Variants in NFATC1 observed in about 807,000 individuals in gnomAD.
The protein encoded by NFATC1 is nuclear factor of activated T cells 1, also known as nuclear factor of activated T-cells, cytoplasmic 1.
In NFATC1, 22 loss-of-function variants were observed where a neutral mutation model predicts 76.0. The ratio of observed to expected loss-of-function variants is 0.29; its 90% CI spans 0.21 to 0.41. The LOEUF (loss-of-function observed/expected upper bound fraction) is 0.41, where lower values mean the gene tolerates loss of function less well. Among genes scored for constraint, NFATC1 ranks in the 10% least tolerant of loss-of-function variants. The pLI is 1.00. For missense variants in NFATC1, 1,357 were observed against 1,337.7 expected (o/e 1.01, Z -0.23); for synonymous variants, 704 against 613.1 (o/e 1.15, Z -2.19).
At chr18:79,497,862 C>T (rs2089928930) in intron 9 of NFATC1, 1 of 152,036 alleles carries the variant, frequency 6.6e-6, no homozygotes, top group South Asian at 2.1e-4. Context: ...GACCATTAAA[C>T]TCTGCTAACC....
chr18:79,451,198 C>A, intron 5 of NFATC1, 72 bp downstream of exon 5: 2 of 1,511,026 alleles, frequency 1.3e-6, no homozygotes, highest in Non-Finnish European at 1.8e-6. Context: ...CTCACCCGCT[C>A]TCAGCTTTTC....
chr18:79,475,047 T>C (rs1351414940), intron 8 of NFATC1, among the ~76,000 whole-genome samples: 1 of 126,802 alleles, frequency 7.9e-6, no homozygotes. Flanking sequence ...ACGCTCACTG[T>C]CGACGTTGTA....
chr18:79,452,455 C>T (rs1024079636), intron 6 of NFATC1, among the ~76,000 whole-genome samples: 29 of 152,290 alleles, frequency 1.9e-4, no homozygotes, highest in African/African-American at 6.5e-4. Flanking sequence ...GGGGCCGTCA[C>T]GCCTGTGGTT....
At chr18:79,487,107 G>A (rs544821793) in intron 9 of NFATC1, among the ~76,000 whole-genome samples, 170 bp downstream of exon 9, 17 of 152,286 alleles carry the variant, frequency 1.1e-4, no homozygotes, top group Middle Eastern at 3.4e-3. Flanking sequence ...GTGCCACGGC[G>A]TCAGCGCCAC....
chr18:79,519,951 G>C (rs1216025543), intron 9 of NFATC1, among the ~76,000 whole-genome samples: 1 of 152,194 alleles, frequency 6.6e-6, no homozygotes, highest in East Asian at 1.9e-4. Context: ...TAAAGTCCTG[G>C]ACGGGCGAGA....
At chr18:79,436,235 C>T (rs894278232) in intron 3 of NFATC1, among the ~76,000 whole-genome samples, 1 of 152,246 alleles carries the variant, frequency 6.6e-6, no homozygotes, top group Non-Finnish European at 1.5e-5. Context: ...TCGCACTGGC[C>T]TGGGGGCGCG....
At chr18:79,495,069 G>A (rs1008774476) in intron 9 of NFATC1, among the ~76,000 whole-genome samples, 10 of 152,278 alleles carry the variant, frequency 6.6e-5, no homozygotes, top group Non-Finnish European at 1.3e-4. Flanking sequence ...GCCCCTTGAG[G>A]AAATGGGGGC....
chr18:79,485,429 C>T (rs375941683), intron 8 of NFATC1, among the ~76,000 whole-genome samples: 15 of 152,384 alleles, frequency 9.8e-5, no homozygotes, highest in African/African-American at 3.4e-4. Flanking sequence ...GGATCCGCCT[C>T]GCCGCTCCTG....
chr18:79,396,687 C>T (rs2085016371), intron 1 of NFATC1, among the ~76,000 whole-genome samples: 1 of 152,206 alleles, frequency 6.6e-6, no homozygotes. Context: ...CCACAGAGGG[C>T]ACGTGGGAGG....
In NFATC1 at chr18:79,428,373, T is replaced by C. The variant is rs576569331; in HGVS notation, c.1227-5206T>C. On this transcript the variant is annotated intron_variant, in intron 2 of 9. Transcript: ENST00000427363. ...AGCAGGCCAGAAAACTGCCTTGATA[T>C]ATCACATTGGCAAAGACCAAGCGCA... 3.3e-4 allele frequency among the ~76,000 whole-genome samples: 51 copies of C among 152,336 alleles called. No individual in the cohort carries two copies. In the Middle Eastern group the frequency reaches 0.014, roughly 41 times the overall value.
At chr18:79,494,874 C>T (rs1480792312) in intron 9 of NFATC1, among the ~76,000 whole-genome samples, 6 of 137,622 alleles carry the variant, frequency 4.4e-5, no homozygotes, top group South Asian at 2.5e-4. Context: ...AAGGCGAGAG[C>T]GGGCACACGC....
intron 3 of NFATC1, among the ~76,000 whole-genome samples, chr18:79,444,305 C>T (rs1044225152): frequency 2.6e-5 from 4 of 152,092 alleles, no homozygotes; most frequent in East Asian, 3.9e-4. Flanking sequence ...GGCTTTGCCC[C>T]GACTCCTGGC....
At chr18:79,418,282 G>A (rs896855717) in intron 2 of NFATC1, among the ~76,000 whole-genome samples, 1 of 152,164 alleles carries the variant, frequency 6.6e-6, no homozygotes, top group African/African-American at 2.4e-5. Flanking sequence ...GGCGCTTAAC[G>A]GCCACCCGAC....
intron 9 of NFATC1, among the ~76,000 whole-genome samples, chr18:79,504,242 C>G (rs918408404): frequency 4.0e-5 from 6 of 150,612 alleles, no homozygotes; most frequent in Non-Finnish European, 7.5e-5. Context: ...GACGGGTGTT[C>G]CTCACCAAAT....
At chr18:79,424,381 G>A (rs1568942649) in intron 2 of NFATC1, among the ~76,000 whole-genome samples, 1 of 152,238 alleles carries the variant, frequency 6.6e-6, no homozygotes, top group Non-Finnish European at 1.5e-5. Context: ...CTGACCGCTG[G>A]CCACTGTGTG....
intron 9 of NFATC1, among the ~76,000 whole-genome samples, chr18:79,488,300 G>GTA (rs1460395789): frequency 1.9e-4 from 2 of 10,348 alleles, no homozygotes; most frequent in Non-Finnish European, 5.8e-4. Flanking sequence ...AGCCCTGGTT[G>GTA]TGTGTGTGTG....
intron 3 of NFATC1, among the ~76,000 whole-genome samples, chr18:79,447,270 G>A (rs183104955): frequency 1.9e-4 from 29 of 152,322 alleles, no homozygotes; most frequent in Admixed American, 4.6e-4. Context: ...AGAATCCGCC[G>A]TCCCCTGGCC....
At chr18:79,491,304 C>G (rs1232776715) in intron 9 of NFATC1, among the ~76,000 whole-genome samples, 2 of 152,134 alleles carry the variant, frequency 1.3e-5, no homozygotes, top group Non-Finnish European at 2.9e-5. Flanking sequence ...AGGGACGATC[C>G]CAGCACCTGG....
intron 8 of NFATC1, among the ~76,000 whole-genome samples, chr18:79,482,713 T>TC (rs2089330673): frequency 7.7e-6 from 1 of 129,304 alleles, no homozygotes. Context: ...TCCTGGGGTG[T>TC]AATTCCAGCG....
Sources: allele counts gnomAD v4.1 joint callset (sites outside exome capture counted in the v4.1 genomes callset), GRCh38; gene constraint gnomAD v4.1.1; transcripts MANE v1.5; gene names NCBI Gene and HGNC (gene_info 2026-07-23, HGNC 2026-07-21).